The following PTPRG variants were observed in gnomAD, a reference collection of about 807,000 sequenced individuals.
PTPRG encodes the protein receptor-type tyrosine-protein phosphatase gamma.
In PTPRG, 102 loss-of-function variants were observed where a neutral mutation model predicts 165.3. That is an observed-to-expected ratio of 0.62 (90% CI 0.53 to 0.73). PTPRG has a LOEUF of 0.73. PTPRG is among the 30% of genes least tolerant of loss of function. PTPRG has a pLI of 0.00. For synonymous variants in PTPRG, 675 were observed against 669.5 expected (o/e 1.01, Z -0.13); for missense variants, 1,866 against 1,861.4 (o/e 1.00, Z -0.05).
intron 1 of PTPRG, among the ~76,000 whole-genome samples, chr3:61,610,611 C>G (rs938208553): frequency 2.0e-5 from 3 of 152,162 alleles, no homozygotes; most frequent in African/African-American, 7.2e-5. Flanking sequence ...TACTTAAGAG[C>G]TCAACACTAA....
chr3:62,003,425 A>G lies in PTPRG; in HGVS notation c.447A>G (p.Glu149=), dbSNP rs1227269518. 5.6e-6 allele frequency: 9 copies of G among 1,613,884 alleles called. No individual in the cohort carries two copies. ...GCAGATTCAAAGCTGAGAAGGTGGA[A>G]TTTCACTGGGGCCACAGCAATGGCT... The part of the protein sequence containing the change: ...LPGRFKAEKV[E]FHWGHSNGSA... Residue 149 remains glutamate (E), a synonymous_variant, in exon 4 of 30, where the codon GAA becomes GAG. Transcript: ENST00000474889.
At chr3:61,649,598 C>T (rs553240379) in intron 1 of PTPRG, among the ~76,000 whole-genome samples, 13 of 152,136 alleles carry the variant, frequency 8.5e-5, no homozygotes, top group African/African-American at 2.7e-4. Context: ...GTAAAGATCC[C>T]GATTCTTAAT....
intron 1 of PTPRG, among the ~76,000 whole-genome samples, chr3:61,647,409 T>C (rs2106969888): frequency 6.6e-6 from 1 of 152,336 alleles, no homozygotes; most frequent in Middle Eastern, 3.4e-3. Context: ...TACCATTGTT[T>C]CTCTAAAGAA....
At chr3:61,795,483 T>C (rs544959452) in intron 2 of PTPRG, among the ~76,000 whole-genome samples, 69 of 151,336 alleles carry the variant, frequency 4.6e-4, no homozygotes, top group African/African-American at 1.5e-3. Context: ...CTACTAAAAA[T>C]ACAAAAATTA....
At chr3:61,635,461 A>T (rs1212012010) in intron 1 of PTPRG, among the ~76,000 whole-genome samples, 2 of 151,508 alleles carry the variant, frequency 1.3e-5, no homozygotes, top group Non-Finnish European at 2.9e-5. Flanking sequence ...GGTTCAAGTG[A>T]TCCTCCTATC....
At chr3:61,930,628 T>C (rs1444634630) in intron 2 of PTPRG, among the ~76,000 whole-genome samples, 1 of 152,224 alleles carries the variant, frequency 6.6e-6, no homozygotes, top group Non-Finnish European at 1.5e-5. Context: ...CTTAAAGCTC[T>C]GGATGTACAG....
intron 28 of PTPRG, among the ~76,000 whole-genome samples, chr3:62,285,258 A>G (rs1702597380): frequency 1.3e-5 from 2 of 152,100 alleles, no homozygotes; most frequent in African/African-American, 2.4e-5. Context: ...TATTAAGTAT[A>G]TGTACCCCTA....
At chr3:61,944,597 A>G (rs1487824378) in intron 2 of PTPRG, among the ~76,000 whole-genome samples, 3 of 152,174 alleles carry the variant, frequency 2.0e-5, no homozygotes, top group Non-Finnish European at 4.4e-5. Flanking sequence ...GCGCTACATG[A>G]TAATCTGTTT....
intron 3 of PTPRG, 45 bp downstream of exon 3, chr3:61,989,849 T>A: frequency 6.3e-7 from 1 of 1,596,810 alleles, no homozygotes; most frequent in Non-Finnish European, 8.6e-7. Context: ...ACAGGAACTA[T>A]TTTTGGATGT....
In PTPRG at chr3:62,201,496, G is replaced by T; in HGVS notation, c.1328-9G>T. On this transcript the variant is annotated splice_polypyrimidine_tract_variant and intron_variant, in intron 10 of 29. Transcript: ENST00000474889. ...TATATTGCTTAAATGTAATTTCTTT[G>T]TTTCTCAGCTAATACCACTCGAATA... is the stretch of plus-strand genomic sequence containing the variant. The T allele has an allele frequency of 5.6e-6, 9 of 1,593,214 alleles. No homozygotes were observed. Among genetic ancestry groups the T allele is most frequent in the Non-Finnish European group, 7.7e-6 (9 of 1,168,372 alleles).
Position 62,273,673 on chromosome 3 carries a change from G to T in PTPRG, c.3319-25G>T. The T allele has an allele frequency of 6.2e-7, 1 of 1,611,128 alleles. No homozygotes were observed. The highest frequency in any genetic ancestry group is 8.5e-7 in the Non-Finnish European group (1 of 1,177,682). On this transcript the variant is annotated intron_variant, in intron 22 of 29. Transcript: ENST00000474889. The surrounding 1 kb of genome is among the most constrained non-coding windows in gnomAD (Gnocchi z 4.1). ...GGCTAACCCTTAACACTCCCTCAGT[G>T]ACTACCATGTATTGTACCTCTTAGG...
chr3:62,187,723 C>T (rs999676224), intron 8 of PTPRG, among the ~76,000 whole-genome samples: 2 of 152,090 alleles, frequency 1.3e-5, no homozygotes, highest in Non-Finnish European at 2.9e-5. Flanking sequence ...CAAATTTGGC[C>T]CAGTATAGCT....
At chr3:62,139,542 T>A (rs1348970403) in intron 6 of PTPRG, among the ~76,000 whole-genome samples, 1 of 152,156 alleles carries the variant, frequency 6.6e-6, no homozygotes, top group African/African-American at 2.4e-5. Flanking sequence ...AGACGGCTGC[T>A]CTCTCTCGGT....
chr3:62,262,976 A>C lies in PTPRG; in HGVS notation c.2656+82A>C. On this transcript the variant is annotated intron_variant, in intron 17 of 29. Transcript: ENST00000474889. ...GGTATAAGCTGAAAGCCAAGCAGTC[A>C]GAAGCAGGATGCCAAGAAAGAATGA... 4 of 993,432 alleles carry C rather than the reference A, an allele frequency of 4.0e-6. No individual in the cohort carries two copies. The South Asian group carries it at 6.0e-5, about 15-fold the overall frequency. 61.5% of individuals were successfully genotyped at this position (993,432 alleles called of 1,614,324 possible).
rs541318454 is a variant in PTPRG at position 61,604,921 on chromosome 3, C to T, written c.85+42549C>T. Among the ~76,000 whole-genome samples the T allele has an allele frequency of 1.8e-4, 27 of 152,216 alleles. 1 individual carries two copies. In the South Asian group the frequency reaches 3.1e-3, roughly 18 times the overall value. On this transcript the variant is annotated intron_variant, in intron 1 of 29. Transcript: ENST00000474889. ...CTTCATGACAACTTTACAAGTCACT[C>T]GGTCTGCTAGATGAGAAAATGGAAC...
intron 1 of PTPRG, among the ~76,000 whole-genome samples, chr3:61,647,791 CAAAAAAAAAA>C (rs58020589): frequency 1.1e-5 from 1 of 93,156 alleles, no homozygotes; most frequent in Admixed American, 1.3e-4. Flanking sequence ...GACTCCGTCT[CAAAAAAAAAA>C]AAAAAAAAAA....
intron 23 of PTPRG, among the ~76,000 whole-genome samples, chr3:62,275,081 C>T (rs1194710224): frequency 6.6e-6 from 1 of 152,186 alleles, no homozygotes. Context: ...TGGAGAAGAA[C>T]ACTGATCTCA....
intron 4 of PTPRG, among the ~76,000 whole-genome samples, chr3:62,013,470 G>A (rs141489158): frequency 3.2e-3 from 491 of 152,282 alleles, no homozygotes; most frequent in African/African-American, 0.011. Flanking sequence ...TATGTACAGT[G>A]AACAAATCTG....
At chr3:61,777,108 A>G (rs1025062810) in intron 2 of PTPRG, among the ~76,000 whole-genome samples, 3 of 152,186 alleles carry the variant, frequency 2.0e-5, no homozygotes, top group Non-Finnish European at 4.4e-5. Flanking sequence ...TCTCTGGAAT[A>G]TCAGAAATGA....
Sources: gnomAD v4.1 joint callset for allele counts (sites outside exome capture counted in the v4.1 genomes callset) on GRCh38, gnomAD v4.1.1 for gene constraint, Gnocchi (gnomAD v3.1) non-coding constraint, MANE v1.5 for transcripts, NCBI Gene and HGNC (gene_info 2026-07-23, HGNC 2026-07-21) for gene names.